The following FARS2 variants were observed in gnomAD, a reference collection of about 807,000 sequenced individuals.
FARS2 encodes the protein phenylalanyl-tRNA synthetase 2, mitochondrial, also known as phenylalanine--tRNA ligase, mitochondrial.
A neutral mutation model predicts 46.4 loss-of-function variants in FARS2; 40 were observed. That is an observed-to-expected ratio of 0.86 (90% confidence interval 0.67 to 1.12). The LOEUF is 1.12. Ranked by LOEUF, FARS2 falls within the 50% of genes most tolerant of loss-of-function variation. The probability of loss-of-function intolerance (pLI) is 0.00; values close to 1 mark genes in which losing one functional copy is unlikely to be tolerated. For synonymous variants in FARS2, 234 were observed against 214.9 expected (o/e 1.09, Z -0.78); for missense variants, 513 against 567.9 (o/e 0.90, Z 0.98).
chr6:5,592,268 C>A (rs947792550), intron 5 of FARS2, among the ~76,000 whole-genome samples: 1 of 152,030 alleles, frequency 6.6e-6, no homozygotes, highest in African/African-American at 2.4e-5. Flanking sequence ...TGCTTTTAGT[C>A]CCAGCTACTT....
At chr6:5,430,245 C>T (rs1335134263) in intron 3 of FARS2, among the ~76,000 whole-genome samples, 1 of 152,138 alleles carries the variant, frequency 6.6e-6, no homozygotes, top group Non-Finnish European at 1.5e-5. Context: ...CTGTGTTCTT[C>T]TCAGTGGGCA....
At chr6:5,721,706 C>T (rs1196183172) in intron 6 of FARS2, among the ~76,000 whole-genome samples, 2 of 152,194 alleles carry the variant, frequency 1.3e-5, no homozygotes, top group Non-Finnish European at 2.9e-5. Context: ...ACACATTTTC[C>T]AACGTTGACA....
chr6:5,449,196 A>G (rs1228976071), intron 4 of FARS2, among the ~76,000 whole-genome samples: 1 of 152,036 alleles, frequency 6.6e-6, no homozygotes, highest in Non-Finnish European at 1.5e-5. Context: ...TACAAATGCA[A>G]AAATTAGCTG....
chr6:5,689,055 TATC>T (rs1027491540), intron 6 of FARS2, among the ~76,000 whole-genome samples: 17 of 152,238 alleles, frequency 1.1e-4, no homozygotes, highest in Non-Finnish European at 2.4e-4. Flanking sequence ...ATATCCCCTT[TATC>T]ATTTTTTATT....
intron 5 of FARS2, among the ~76,000 whole-genome samples, chr6:5,566,824 G>C (rs1772349912): frequency 6.6e-6 from 1 of 152,138 alleles, no homozygotes; most frequent in South Asian, 2.1e-4. Flanking sequence ...TTTACAAAAA[G>C]TCCCCTTACA....
At chr6:5,747,071 G>T (rs925985882) in intron 6 of FARS2, among the ~76,000 whole-genome samples, 3 of 152,202 alleles carry the variant, frequency 2.0e-5, no homozygotes, top group Non-Finnish European at 4.4e-5. Context: ...GTTGCAAAGG[G>T]TATGGCGGCA....
chr6:5,467,984 T>G (rs1376755333), intron 4 of FARS2, among the ~76,000 whole-genome samples: 2 of 152,338 alleles, frequency 1.3e-5, no homozygotes, highest in East Asian at 3.9e-4. Flanking sequence ...ACGTTTATTA[T>G]TCATTTTCCT....
intron 4 of FARS2, among the ~76,000 whole-genome samples, chr6:5,449,352 C>CAAA (rs5873985): frequency 0.071 from 8,491 of 120,020 alleles, 524 homozygotes; most frequent in African/African-American, 0.14. Context: ...GACTCCATCT[C>CAAA]AAAAAAAAAA....
chr6:5,419,645 G>A (rs529672232), intron 3 of FARS2, among the ~76,000 whole-genome samples: 1 of 152,246 alleles, frequency 6.6e-6, no homozygotes, highest in South Asian at 2.1e-4. Context: ...TACAATGAGG[G>A]GATGGAGCTG....
chr6:5,655,033 C>T (rs1777543674), intron 6 of FARS2, among the ~76,000 whole-genome samples: 1 of 152,050 alleles, frequency 6.6e-6, no homozygotes, highest in Admixed American at 6.5e-5. Flanking sequence ...TATGTGTTAA[C>T]CATTTGTGCT....
intron 6 of FARS2, among the ~76,000 whole-genome samples, chr6:5,721,060 G>T (rs902078873): frequency 6.6e-6 from 1 of 151,890 alleles, no homozygotes; most frequent in African/African-American, 2.4e-5. Flanking sequence ...TCTTTAAAAA[G>T]AAATAAAGTT....
chr6:5,450,009 C>T (rs1764394529), intron 4 of FARS2, among the ~76,000 whole-genome samples: 1 of 152,196 alleles, frequency 6.6e-6, no homozygotes, highest in South Asian at 2.1e-4. Flanking sequence ...GAAAAGTTGG[C>T]CCTCTGTATA....
chr6:5,260,742 G>GAA (rs561083109), upstream of FARS2: 5,805 of 1,519,712 alleles, frequency 3.8e-3, 143 homozygotes, highest in African/African-American at 0.067. Context: ...ATTTTGGAAA[G>GAA]AAAAAAAAAT....
intron 6 of FARS2, among the ~76,000 whole-genome samples, chr6:5,733,638 G>A (rs1436532069): frequency 6.6e-6 from 1 of 152,190 alleles, no homozygotes; most frequent in Non-Finnish European, 1.5e-5. Flanking sequence ...TCAAGAACAT[G>A]TAAGGATTAG....
In FARS2 at chr6:5,325,173, C is replaced by G. The variant is rs374457917; in HGVS notation, c.-21-43377C>G. ...GCAGCTCCTTCTGGATCCCTCACCC[C>G]CTTGTAAGCTGGGAGCTCTGGTGGG... On this transcript the variant is annotated intron_variant, in intron 1 of 6. Coordinates refer to ENST00000274680, the MANE Select transcript of FARS2 (RefSeq NM_006567.5). 4.6e-5 allele frequency among the ~76,000 whole-genome samples: 7 copies of G among 152,348 alleles called. No individual in the cohort carries two copies. The East Asian group carries it at 9.6e-4, about 21-fold the overall frequency.
intron 6 of FARS2, among the ~76,000 whole-genome samples, chr6:5,638,959 G>A (rs144024739): frequency 2.6e-3 from 396 of 152,322 alleles, no homozygotes; most frequent in Non-Finnish European, 4.2e-3. Context: ...GCTGCTCATA[G>A]CAGCACTCAT....
upstream of FARS2, among the ~76,000 whole-genome samples, chr6:5,256,946 G>C (rs550961986): frequency 6.6e-6 from 1 of 152,136 alleles, no homozygotes; most frequent in East Asian, 1.9e-4. Context: ...AATCATTCCA[G>C]TTCCAACAAT....
At chr6:5,699,531 G>T (rs1227408712) in intron 6 of FARS2, among the ~76,000 whole-genome samples, 6 of 149,656 alleles carry the variant, frequency 4.0e-5, no homozygotes, top group Admixed American at 4.0e-4. Flanking sequence ...TTTTTGAGGT[G>T]GCGTCTCACT....
At chr6:5,546,354 A>G (rs946346999) in intron 5 of FARS2, among the ~76,000 whole-genome samples, 1 of 150,762 alleles carries the variant, frequency 6.6e-6, no homozygotes, top group Non-Finnish European at 1.5e-5. Flanking sequence ...GGGTTCAAGC[A>G]ATTCTCCTGC....
Sources: allele counts gnomAD v4.1 joint callset (sites outside exome capture counted in the v4.1 genomes callset), GRCh38; gene constraint gnomAD v4.1.1; transcripts MANE v1.5; gene names NCBI Gene and HGNC (gene_info 2026-07-23, HGNC 2026-07-21).